MYO3A: variants seen among roughly 807,000 people sequenced by gnomAD.
MYO3A encodes the protein myosin IIIA.
MYO3A carries 180 observed loss-of-function variants against 192.7 expected under a neutral mutation model. The ratio of observed to expected loss-of-function variants is 0.93; its 90% CI spans 0.83 to 1.06. The LOEUF is 1.06. Ranked by LOEUF, MYO3A falls within the 50% of genes least tolerant of loss-of-function variation. MYO3A has a pLI of 0.00. For missense variants in MYO3A, 1,896 were observed against 1,905.0 expected (o/e 1.00, Z 0.09); for synonymous variants, 628 against 645.3 (o/e 0.97, Z 0.41).
intron 17 of MYO3A, among the ~76,000 whole-genome samples, chr10:26,114,686 C>T (rs532552973): frequency 1.1e-4 from 16 of 152,172 alleles, no homozygotes; most frequent in Non-Finnish European, 2.2e-4. Flanking sequence ...GGAAATTGTA[C>T]TGTCACTTGA....
chr10:26,029,473 A>G (rs949330627), intron 10 of MYO3A, among the ~76,000 whole-genome samples: 1 of 152,188 alleles, frequency 6.6e-6, no homozygotes, highest in Admixed American at 6.5e-5. Context: ...ATTCTGAATG[A>G]ATTCTTCAAA....
At chr10:26,195,531 T>C (rs1376665121) in intron 32 of MYO3A, among the ~76,000 whole-genome samples, 2 of 152,210 alleles carry the variant, frequency 1.3e-5, no homozygotes, top group Non-Finnish European at 2.9e-5. Context: ...TCCTAAGATA[T>C]GAAGGCCTGT....
intron 3 of MYO3A, among the ~76,000 whole-genome samples, chr10:25,953,682 A>G (rs997271319): frequency 1.3e-5 from 2 of 152,124 alleles, no homozygotes; most frequent in Non-Finnish European, 2.9e-5. Context: ...TAATCCATGT[A>G]ACGACTATTC....
chr10:26,025,504 A>G (rs932712717), intron 9 of MYO3A, among the ~76,000 whole-genome samples: 1 of 152,108 alleles, frequency 6.6e-6, no homozygotes, highest in African/African-American at 2.4e-5. Flanking sequence ...AAATATCTCC[A>G]ATCAAAATAG....
chr10:26,016,742 G>T (rs974928193), intron 6 of MYO3A, 78 bp from the exon 7 acceptor site: 2 of 1,342,668 alleles, frequency 1.5e-6, no homozygotes, highest in African/African-American at 2.9e-5. Flanking sequence ...ATATTAGTTT[G>T]CAAAAAAGAT....
At chr10:26,009,021 A>C (rs1256863589) in intron 6 of MYO3A, among the ~76,000 whole-genome samples, 7 of 152,044 alleles carry the variant, frequency 4.6e-5, no homozygotes, top group Non-Finnish European at 1.5e-5. Context: ...AATGTGACAC[A>C]TATACACCAT....
intron 34 of MYO3A, among the ~76,000 whole-genome samples, chr10:26,211,165 A>G (rs1175474355): frequency 6.6e-6 from 1 of 152,242 alleles, no homozygotes; most frequent in Non-Finnish European, 1.5e-5. Flanking sequence ...GCAGGTGCTC[A>G]GTGAATGAAT....
intron 20 of MYO3A, among the ~76,000 whole-genome samples, chr10:26,142,635 G>T (rs1467595399): frequency 6.6e-6 from 1 of 152,192 alleles, no homozygotes; most frequent in African/African-American, 2.4e-5. Context: ...TATAGAGTAA[G>T]GAAATTCCAA....
chr10:25,987,563 C>T (rs1437738689), intron 4 of MYO3A, among the ~76,000 whole-genome samples: 2 of 152,032 alleles, frequency 1.3e-5, no homozygotes, highest in Admixed American at 1.3e-4. Context: ...GTAAACAATT[C>T]TCAAAAGAAG....
intron 34 of MYO3A, among the ~76,000 whole-genome samples, chr10:26,209,281 C>A (rs900508737): frequency 2.0e-5 from 3 of 152,174 alleles, no homozygotes; most frequent in African/African-American, 7.2e-5. Flanking sequence ...CTGCAATTGT[C>A]CCCTCACTCT....
chr10:25,967,798 G>A (rs924431252), intron 4 of MYO3A, among the ~76,000 whole-genome samples: 3 of 152,274 alleles, frequency 2.0e-5, no homozygotes, highest in Admixed American at 6.5e-5. Context: ...TAATATATAT[G>A]ATGACAAATT....
chr10:26,041,387 G>A (rs1321318710), intron 10 of MYO3A, among the ~76,000 whole-genome samples: 1 of 151,842 alleles, frequency 6.6e-6, no homozygotes, highest in African/African-American at 2.4e-5. Flanking sequence ...GCCACTGTAT[G>A]TCTTTTGATT....
rs1318063064 is a variant in MYO3A at position 26,205,594 on chromosome 10, A to ATTTCT, written c.4730+2501_4730+2505dup. Among the ~76,000 whole-genome samples, 201 of 96,790 alleles carry ATTTCT rather than the reference A, an allele frequency of 2.1e-3. 2 individuals are homozygous for ATTTCT. Among genetic ancestry groups the ATTTCT allele is most frequent in the African/African-American group, 7.3e-3 (189 of 25,744 alleles). 63.5% of individuals were successfully genotyped at this position (96,790 alleles called of 152,430 possible). A position where few individuals can be genotyped will look rare whatever the true frequency, so the allele number is the denominator to read the frequency against. On this transcript the variant is annotated intron_variant, in intron 34 of 34. Coordinates refer to ENST00000642920, the MANE Select transcript of MYO3A (RefSeq NM_017433.5). Reference sequence around the variant, plus strand: ...CACTCGTGTTGTTAAAAATGGCAGGATTTCTTTTCTTTTCTTTTTTTTTTT... The same window carrying ATTTCT: ...CACTCGTGTTGTTAAAAATGGCAGGATTTCTTTTCTTTTCTTTTCTTTTTTTTTTT...
intron 3 of MYO3A, among the ~76,000 whole-genome samples, chr10:25,954,101 C>T (rs1837384500): frequency 6.6e-6 from 1 of 152,070 alleles, no homozygotes; most frequent in African/African-American, 2.4e-5. Context: ...ACTTCAACTT[C>T]TCAGGGCTTA....
In MYO3A at chr10:26,168,795, T is replaced by A; in HGVS notation, c.3195T>A (p.Cys1065Ter). 5 of 1,613,306 alleles carry A rather than the reference T, an allele frequency of 3.1e-6. No homozygotes were observed. The highest frequency in any genetic ancestry group is 4.2e-6 in the Non-Finnish European group (5 of 1,179,734). ...ACAAGCTTATTTTGATTCAAGCTTG[T>A]GTCAGAGCATTCTTGTGTTCAAGAA... ...AIDKLILIQA[C>*]VRAFLCSRRY... The change falls in exon 28 of 35, where the codon TGT (cysteine) becomes TGA (stop). Residue 1065 changes from cysteine to a stop codon, truncating the protein, a stop_gained. Coordinates refer to ENST00000642920, the MANE Select transcript of MYO3A (RefSeq NM_017433.5). LOFTEE classifies it high-confidence loss of function.
chr10:26,138,319 T>C (rs1839967350), intron 20 of MYO3A, among the ~76,000 whole-genome samples: 1 of 152,198 alleles, frequency 6.6e-6, no homozygotes, highest in Non-Finnish European at 1.5e-5. Context: ...CGTTGAAATA[T>C]TGGGGGCAGG....
chr10:26,107,745 A>G (rs778487206), intron 17 of MYO3A, among the ~76,000 whole-genome samples: 1 of 151,998 alleles, frequency 6.6e-6, no homozygotes, highest in African/African-American at 2.4e-5. Context: ...CCAAATAGAA[A>G]TTCTCATTTT....
At chr10:26,123,338 A>G (rs903871857) in intron 18 of MYO3A, among the ~76,000 whole-genome samples, 4 of 152,224 alleles carry the variant, frequency 2.6e-5, no homozygotes, top group African/African-American at 9.6e-5. Context: ...TCTTTAAGCT[A>G]TGAAGAGGCT....
At chr10:26,197,993 G>A (rs1380698966) in intron 32 of MYO3A, among the ~76,000 whole-genome samples, 2 of 152,226 alleles carry the variant, frequency 1.3e-5, no homozygotes, top group Non-Finnish European at 2.9e-5. Flanking sequence ...AGAACACTGT[G>A]CTGCTTACAT....
Sources: allele counts gnomAD v4.1 joint callset (sites outside exome capture counted in the v4.1 genomes callset), GRCh38; gene constraint gnomAD v4.1.1; transcripts MANE v1.5; gene names NCBI Gene and HGNC (gene_info 2026-07-23, HGNC 2026-07-21).